PCBP3: variants seen among roughly 807,000 people sequenced by gnomAD.
PCBP3 encodes poly(rC) binding protein 3.
Under a neutral mutation model 52.7 loss-of-function variants are expected in PCBP3, and 25 were observed. That is an observed-to-expected ratio of 0.47 (90% CI 0.35 to 0.66). The LOEUF (loss-of-function observed/expected upper bound fraction) is 0.66, where lower values mean the gene tolerates loss of function less well. PCBP3 is among the 30% of genes least tolerant of loss of function. The probability of loss-of-function intolerance (pLI) is 0.01; values close to 1 mark genes in which losing one functional copy is unlikely to be tolerated. For synonymous variants in PCBP3, 162 were observed against 183.0 expected (o/e 0.89, Z 0.93); for missense variants, 391 against 490.3 (o/e 0.80, Z 1.91).
intron 2 of PCBP3, among the ~76,000 whole-genome samples, chr21:45,675,425 G>C (rs1175101243): frequency 6.6e-6 from 1 of 152,174 alleles, no homozygotes; most frequent in Non-Finnish European, 1.5e-5. Flanking sequence ...GTCTACATTA[G>C]GCAAAGAACC....
intron 16 of PCBP3, chr21:45,935,629 T>G: frequency 2.2e-6 from 1 of 445,516 alleles, no homozygotes; most frequent in East Asian, 5.6e-5. Flanking sequence ...GGCCAAACCT[T>G]GAAGAACAAG....
chr21:45,753,399 G>A (rs2087729104), intron 3 of PCBP3, among the ~76,000 whole-genome samples: 1 of 151,582 alleles, frequency 6.6e-6, no homozygotes, highest in Non-Finnish European at 1.5e-5. Flanking sequence ...TATTTATCTA[G>A]TATATATTTT....
At chr21:45,882,094 T>G (rs113453285) in intron 5 of PCBP3, among the ~76,000 whole-genome samples, 1,924 of 152,324 alleles carry the variant, frequency 0.013, 20 homozygotes, top group Non-Finnish European at 0.018. Flanking sequence ...TTCTAGTTTT[T>G]TGAGGAACTT....
rs1367274994 is a variant in PCBP3 at position 45,827,813 on chromosome 21, A to G, written c.-125-22148A>G. ...GAGATGGAGGAGTTGCCAGATTCAT[A>G]CCAACAGGAGAAAGAAAATTTGGAA... On this transcript the variant is annotated intron_variant, in intron 4 of 17. Coordinates refer to ENST00000681687, the MANE Select transcript of PCBP3 (RefSeq NM_001384156.1). This position sits in a 1 kb window ranked among gnomAD's most constrained non-coding sequence, Gnocchi z 4.3. 6.6e-6 allele frequency: 1 copy of G among 152,284 alleles called. No individual in the cohort carries two copies. The highest frequency in any genetic ancestry group is 6.5e-5 in the Admixed American group (1 of 15,292). 9.4% of individuals were successfully genotyped at this position (152,284 alleles called of 1,614,324 possible).
intron 2 of PCBP3, among the ~76,000 whole-genome samples, chr21:45,720,349 T>C (rs940853229): frequency 6.6e-6 from 1 of 152,280 alleles, no homozygotes; most frequent in Admixed American, 6.5e-5. Context: ...GTTAGTTTGC[T>C]GAGAATGATG....
chr21:45,756,910 G>T (rs907233021), intron 4 of PCBP3, among the ~76,000 whole-genome samples: 3 of 152,162 alleles, frequency 2.0e-5, no homozygotes, highest in Non-Finnish European at 4.4e-5. Flanking sequence ...TAGTTGACGG[G>T]TATTTAGTTC....
At chr21:45,787,004 G>T (rs1011403135) in intron 4 of PCBP3, among the ~76,000 whole-genome samples, 1 of 152,184 alleles carries the variant, frequency 6.6e-6, no homozygotes. Flanking sequence ...ATTTCCAGCT[G>T]TTGACCCTTC....
intron 2 of PCBP3, among the ~76,000 whole-genome samples, chr21:45,728,954 A>C (rs2085256207): frequency 6.6e-6 from 1 of 152,204 alleles, no homozygotes; most frequent in Non-Finnish European, 1.5e-5. Context: ...CACCAAATTA[A>C]AGTGTACAAT....
intron 5 of PCBP3, among the ~76,000 whole-genome samples, chr21:45,892,627 A>G (rs2095706824): frequency 6.6e-6 from 1 of 152,120 alleles, no homozygotes; most frequent in Non-Finnish European, 1.5e-5. Context: ...AGGGCCTTGG[A>G]TGAGTCTCTG....
chr21:45,898,562 TACAC>T (rs2095908029), intron 6 of PCBP3, among the ~76,000 whole-genome samples: 1 of 109,194 alleles, frequency 9.2e-6, no homozygotes. Flanking sequence ...AGCCTCCCTC[TACAC>T]GCCATCCTCA....
At chr21:45,681,256 T>C (rs1569110541) in intron 2 of PCBP3, among the ~76,000 whole-genome samples, 1 of 152,252 alleles carries the variant, frequency 6.6e-6, no homozygotes, top group East Asian at 1.9e-4. Flanking sequence ...TGAGAGGTTT[T>C]ATCACAAATA....
At chr21:45,926,887 T>C (rs948181068) in intron 13 of PCBP3, among the ~76,000 whole-genome samples, 1 of 152,224 alleles carries the variant, frequency 6.6e-6, no homozygotes, top group Admixed American at 6.5e-5. Context: ...GTTGGAATAC[T>C]GTTTCTCATA....
intron 1 of PCBP3, among the ~76,000 whole-genome samples, chr21:45,667,075 GTTCTTTCTTTCTTTCTTTCTTTCT>G (rs138226209): frequency 6.8e-6 from 1 of 147,552 alleles, no homozygotes; most frequent in Non-Finnish European, 1.5e-5. Context: ...GCATCTGTTT[GTTCTTTCTTTCTTTCTTTCTTTCT>G]TTCTTTCTTT....
intron 13 of PCBP3, among the ~76,000 whole-genome samples, chr21:45,924,904 G>A (rs541304817): frequency 2.0e-5 from 1 of 49,380 alleles, no homozygotes; most frequent in East Asian, 3.2e-4. Context: ...GGGAACAGTC[G>A]AGTGGGTAGA....
At chr21:45,803,638 C>T (rs935053905) in intron 4 of PCBP3, among the ~76,000 whole-genome samples, 4 of 152,174 alleles carry the variant, frequency 2.6e-5, no homozygotes, top group African/African-American at 9.7e-5. Context: ...GCTGAGCTGC[C>T]CTGCACAGTG....
chr21:45,845,736 T>C (rs139765509), intron 4 of PCBP3, among the ~76,000 whole-genome samples: 183 of 152,368 alleles, frequency 1.2e-3, no homozygotes, highest in African/African-American at 3.9e-3. Context: ...GCCTTTGCCA[T>C]GTGTATGCAT....
At chr21:45,729,807 T>A (rs1202820019) in intron 2 of PCBP3, among the ~76,000 whole-genome samples, 2 of 152,180 alleles carry the variant, frequency 1.3e-5, no homozygotes, top group East Asian at 3.8e-4. Context: ...TATTTATATA[T>A]TTTTAGAGAC....
chr21:45,912,935 G>A (rs1450470768), intron 11 of PCBP3, among the ~76,000 whole-genome samples: 1 of 152,190 alleles, frequency 6.6e-6, no homozygotes, highest in East Asian at 1.9e-4. Flanking sequence ...CCCCATCTTG[G>A]GGCTTTGAGT....
At chr21:45,843,899 C>T (rs976127459) in intron 4 of PCBP3, among the ~76,000 whole-genome samples, 9 of 152,060 alleles carry the variant, frequency 5.9e-5, no homozygotes, top group African/African-American at 2.2e-4. Flanking sequence ...GTTGTTTGTG[C>T]TGTTAATATA....
Sources: gnomAD v4.1 joint callset for allele counts (sites outside exome capture counted in the v4.1 genomes callset) on GRCh38, gnomAD v4.1.1 for gene constraint, Gnocchi (gnomAD v3.1) non-coding constraint, MANE v1.5 for transcripts, NCBI Gene and HGNC (gene_info 2026-07-23, HGNC 2026-07-21) for gene names.